The following ANKS1B variants were observed in gnomAD, a reference collection of about 807,000 sequenced individuals.
The protein encoded by ANKS1B is ankyrin repeat and sterile alpha motif domain-containing protein 1B.
A neutral mutation model predicts 148.3 loss-of-function variants in ANKS1B; 36 were observed. The observed-to-expected ratio is 0.24, with a 90% confidence interval of 0.19 to 0.32. ANKS1B has a LOEUF of 0.32. ANKS1B is among the 10% of genes least tolerant of loss of function. The probability of loss-of-function intolerance (pLI) is 1.00; values close to 1 mark genes in which losing one functional copy is unlikely to be tolerated. For missense variants in ANKS1B, 1,157 were observed against 1,542.6 expected (o/e 0.75, Z 4.19); for synonymous variants, 542 against 560.8 (o/e 0.97, Z 0.47).
chr12:99,247,942 C>T (rs946695700), intron 12 of ANKS1B, among the ~76,000 whole-genome samples: 10 of 152,084 alleles, frequency 6.6e-5, no homozygotes, highest in African/African-American at 9.7e-5. Flanking sequence ...TGTGCTGATT[C>T]GTACTTTCAG....
In ANKS1B at chr12:99,402,147, C is replaced by G. The variant is rs1250195568; in HGVS notation, c.1576-2336G>C. Among the ~76,000 whole-genome samples the G allele has an allele frequency of 2.1e-5, 3 of 146,012 alleles. 1 individual carries two copies. Among genetic ancestry groups the G allele is most frequent in the African/African-American group, 7.8e-5 (3 of 38,458 alleles). On this transcript the variant is annotated intron_variant, in intron 11 of 26. Coordinates refer to ENST00000683438, the MANE Select transcript of ANKS1B (RefSeq NM_001352186.2). ...CTATAGGTTTCCTTTTATTTCCTAG[C>G]CTGACTTGCCTTTGGGTTGGGCAAT...
At chr12:99,033,276 CCATTT>C (rs1157233872) in intron 17 of ANKS1B, among the ~76,000 whole-genome samples, 3 of 152,146 alleles carry the variant, frequency 2.0e-5, no homozygotes, top group Non-Finnish European at 4.4e-5. Context: ...TTATTCAACA[CCATTT>C]ATTTATTCAA....
Position 98,832,732 on chromosome 12 carries a change from C to G in ANKS1B, c.2779-596G>C, listed in dbSNP as rs2099329026. On this transcript the variant is annotated intron_variant, in intron 17 of 26. Coordinates refer to ENST00000683438, the MANE Select transcript of ANKS1B (RefSeq NM_001352186.2). The stretch of plus-strand genomic sequence containing the variant: ...CCGCCTCCTTATTGAAGAAGCCATG[C>G]CCTCAACCCCTGACATGCTCTCCAC... 2.0e-5 allele frequency among the ~76,000 whole-genome samples: 3 copies of G among 152,206 alleles called. No homozygotes were observed. In the South Asian group the frequency reaches 6.2e-4, roughly 32 times the overall value.
intron 8 of ANKS1B, among the ~76,000 whole-genome samples, chr12:99,677,225 T>G (rs953012590): frequency 3.9e-5 from 6 of 152,212 alleles, no homozygotes; most frequent in Non-Finnish European, 7.3e-5. Context: ...CATCTCCGTT[T>G]CTAGGTCCTG....
downstream of ANKS1B, among the ~76,000 whole-genome samples, chr12:98,743,421 T>C (rs2097820223): frequency 6.6e-6 from 1 of 152,176 alleles, no homozygotes; most frequent in African/African-American, 2.4e-5. Flanking sequence ...TTTTGAGTAA[T>C]GATGTTAGCA....
intron 1 of ANKS1B, among the ~76,000 whole-genome samples, chr12:99,966,395 AT>A (rs2153834963): frequency 6.6e-6 from 1 of 152,330 alleles, no homozygotes; most frequent in African/African-American, 2.4e-5. Context: ...TTCAAAATAA[AT>A]TTTAATTTTA....
chr12:99,314,799 C>G (rs2083748077), intron 12 of ANKS1B, among the ~76,000 whole-genome samples: 1 of 151,972 alleles, frequency 6.6e-6, no homozygotes, highest in African/African-American at 2.4e-5. Context: ...ACGTAAACCC[C>G]AAAACCCTAA....
intron 1 of ANKS1B, among the ~76,000 whole-genome samples, chr12:99,857,901 G>T (rs1262591588): frequency 6.6e-6 from 1 of 152,124 alleles, no homozygotes; most frequent in African/African-American, 2.4e-5. Context: ...ATGGATCAAA[G>T]ACTTATATCT....
chr12:99,493,170 A>G (rs2096570871), intron 10 of ANKS1B, among the ~76,000 whole-genome samples: 1 of 152,256 alleles, frequency 6.6e-6, no homozygotes, highest in Non-Finnish European at 1.5e-5. Flanking sequence ...TCAACTGCAC[A>G]CTAGCCAGGA....
At chr12:98,902,363 C>T (rs1000533291) in intron 17 of ANKS1B, among the ~76,000 whole-genome samples, 2 of 152,204 alleles carry the variant, frequency 1.3e-5, no homozygotes, top group African/African-American at 2.4e-5. Flanking sequence ...CCACAGTCAA[C>T]ACTTACAGCA....
chr12:99,341,743 A>G (rs1446311688), intron 12 of ANKS1B, among the ~76,000 whole-genome samples: 3 of 152,146 alleles, frequency 2.0e-5, no homozygotes, highest in Non-Finnish European at 4.4e-5. Context: ...AGGTAGAGGT[A>G]GGCACTGTAA....
At chr12:98,848,762 G>A (rs1357655139) in intron 17 of ANKS1B, among the ~76,000 whole-genome samples, 2 of 2,812 alleles carry the variant, frequency 7.1e-4, no homozygotes, top group East Asian at 0.5. Context: ...TTTTTGAGAC[G>A]GAGTCTCGCT....
chr12:98,748,914 C>G (rs547917173), intron 26 of ANKS1B, among the ~76,000 whole-genome samples: 2 of 152,142 alleles, frequency 1.3e-5, no homozygotes, highest in Non-Finnish European at 2.9e-5. Context: ...ATACAATAGT[C>G]TAAGAGATAA....
intron 8 of ANKS1B, among the ~76,000 whole-genome samples, chr12:99,732,812 TC>T (rs1222195646): frequency 1.3e-5 from 2 of 152,272 alleles, no homozygotes; most frequent in East Asian, 3.9e-4. Flanking sequence ...ATCAGAAAGA[TC>T]AAGACAGAGA....
At chr12:98,768,753 T>G (rs1007835215) in intron 25 of ANKS1B, among the ~76,000 whole-genome samples, 5 of 136,696 alleles carry the variant, frequency 3.7e-5, no homozygotes, top group Non-Finnish European at 7.9e-5. Context: ...AAAAAAAAAA[T>G]GGCTACCATG....
At chr12:99,869,886 T>A (rs2091277126) in intron 1 of ANKS1B, among the ~76,000 whole-genome samples, 1 of 152,222 alleles carries the variant, frequency 6.6e-6, no homozygotes, top group Admixed American at 6.5e-5. Context: ...ATGACCTTTA[T>A]ATAAGCAAAA....
intron 17 of ANKS1B, among the ~76,000 whole-genome samples, chr12:98,973,994 T>A (rs2099886989): frequency 1.3e-5 from 2 of 151,964 alleles, no homozygotes; most frequent in Non-Finnish European, 2.9e-5. Context: ...ATCCACTGGG[T>A]GGGGATGCGG....
At chr12:99,641,199 C>A (rs571200696) in intron 9 of ANKS1B, among the ~76,000 whole-genome samples, 5 of 152,242 alleles carry the variant, frequency 3.3e-5, no homozygotes, top group Middle Eastern at 3.4e-3. Flanking sequence ...TAAAAATGTG[C>A]GTTTGTATTG....
At chr12:99,150,125 T>C (rs1279631921) in intron 15 of ANKS1B, among the ~76,000 whole-genome samples, 1 of 152,142 alleles carries the variant, frequency 6.6e-6, no homozygotes, top group African/African-American at 2.4e-5. Context: ...TAATGGTCCA[T>C]GTTCCCATTG....
Sources: allele counts gnomAD v4.1 joint callset (sites outside exome capture counted in the v4.1 genomes callset), GRCh38; gene constraint gnomAD v4.1.1; transcripts MANE v1.5; gene names NCBI Gene and HGNC (gene_info 2026-07-23, HGNC 2026-07-21).